MCC: variants seen among roughly 807,000 people sequenced by gnomAD.
MCC encodes MCC regulator of Wnt signaling pathway, also known as colorectal mutant cancer protein.
A neutral mutation model predicts 116.2 loss-of-function variants in MCC; 90 were observed. That is an observed-to-expected ratio of 0.77 (90% CI 0.65 to 0.92). The LOEUF is 0.92. MCC is among the 40% of genes least tolerant of loss of function. The pLI is 0.00. For missense variants in MCC, 1,516 were observed against 1,312.2 expected (o/e 1.16, Z -2.40); for synonymous variants, 578 against 510.5 (o/e 1.13, Z -1.78).
At chr5:113,175,185 A>G (rs1242625280) in intron 3 of MCC, among the ~76,000 whole-genome samples, 1 of 152,184 alleles carries the variant, frequency 6.6e-6, no homozygotes, top group Non-Finnish European at 1.5e-5. Flanking sequence ...ATTCTTGAAA[A>G]TAAATAGACA....
At chr5:113,307,616 A>G (rs562914182) in intron 3 of MCC, among the ~76,000 whole-genome samples, 72 of 152,256 alleles carry the variant, frequency 4.7e-4, no homozygotes, top group African/African-American at 1.7e-3. Flanking sequence ...TTCTTTTACA[A>G]TCTGGATGTT....
intron 12 of MCC, 44 bp from the exon 13 acceptor site, chr5:113,068,227 G>A (rs373321258): frequency 2.3e-4 from 333 of 1,479,430 alleles, no homozygotes; most frequent in Non-Finnish European, 2.8e-4. Flanking sequence ...AGAGAACAGC[G>A]GACACCTTCA....
At chr5:113,176,526 C>CG (rs1372784562) in intron 3 of MCC, among the ~76,000 whole-genome samples, 1 of 152,206 alleles carries the variant, frequency 6.6e-6, no homozygotes, top group Non-Finnish European at 1.5e-5. Context: ...CTAAGGGTGA[C>CG]GGCTCCCTTG....
chr5:113,297,202 G>A (rs1465268171), intron 3 of MCC, among the ~76,000 whole-genome samples: 1 of 152,156 alleles, frequency 6.6e-6, no homozygotes, highest in African/African-American at 2.4e-5. Context: ...AGGTTAAAAG[G>A]GCCTGAATTA....
chr5:113,460,737 T>A (rs1365883443), intron 1 of MCC, among the ~76,000 whole-genome samples: 1 of 152,210 alleles, frequency 6.6e-6, no homozygotes, highest in South Asian at 2.1e-4. Flanking sequence ...TCTGAGACAG[T>A]TGTAGCTTGT....
At chr5:113,358,907 C>T (rs904019000) in intron 2 of MCC, among the ~76,000 whole-genome samples, 4 of 152,156 alleles carry the variant, frequency 2.6e-5, no homozygotes, top group African/African-American at 7.2e-5. Flanking sequence ...CCCCTAGCAT[C>T]GTCCACTACA....
At chr5:113,310,538 C>A (rs528334169) in intron 3 of MCC, among the ~76,000 whole-genome samples, 115 of 152,304 alleles carry the variant, frequency 7.6e-4, no homozygotes, top group African/African-American at 2.6e-3. Flanking sequence ...AACCTTTGTC[C>A]AAACTAATGA....
intron 3 of MCC, among the ~76,000 whole-genome samples, chr5:113,318,348 G>A (rs1274224677): frequency 6.6e-6 from 1 of 152,120 alleles, no homozygotes; most frequent in Non-Finnish European, 1.5e-5. Flanking sequence ...AGCTAACCAA[G>A]GCAGTCTTTC....
At chr5:113,419,004 T>C (rs530581743) in intron 1 of MCC, among the ~76,000 whole-genome samples, 105 of 152,168 alleles carry the variant, frequency 6.9e-4, no homozygotes, top group Non-Finnish European at 1.3e-3. Flanking sequence ...CTAACAGAAA[T>C]GAATTCATTG....
At chr5:113,383,140 T>A (rs1769165391) in intron 2 of MCC, among the ~76,000 whole-genome samples, 1 of 152,218 alleles carries the variant, frequency 6.6e-6, no homozygotes, top group Non-Finnish European at 1.5e-5. Flanking sequence ...ATAAACAATT[T>A]TTTTTCACAA....
chr5:113,479,898 C>CA (rs1271439731), intron 1 of MCC, among the ~76,000 whole-genome samples: 12 of 152,128 alleles, frequency 7.9e-5, no homozygotes, highest in African/African-American at 2.9e-4. Context: ...GGCTCTCTTT[C>CA]AAAAATTGTG....
At chr5:113,120,218 C>G (rs1385218092) in intron 6 of MCC, among the ~76,000 whole-genome samples, 3 of 152,152 alleles carry the variant, frequency 2.0e-5, no homozygotes, top group Middle Eastern at 3.2e-3. Context: ...TTATGATGCC[C>G]TTATGAACTT....
chr5:113,464,754 T>A (rs1164183064), intron 1 of MCC, among the ~76,000 whole-genome samples: 5 of 149,056 alleles, frequency 3.4e-5, no homozygotes, highest in African/African-American at 9.9e-5. Context: ...AATATTTGAA[T>A]AAATTAAATA....
intron 16 of MCC, among the ~76,000 whole-genome samples, chr5:113,046,021 G>C (rs1232022835): frequency 6.6e-6 from 1 of 151,884 alleles, no homozygotes; most frequent in Non-Finnish European, 1.5e-5. Context: ...CAACAGCTAA[G>C]ACCAGATGAA....
At chr5:113,309,128 T>G (rs11948830) in intron 3 of MCC, among the ~76,000 whole-genome samples, 5,988 of 152,324 alleles carry the variant, frequency 0.039, 393 homozygotes, top group African/African-American at 0.14. Context: ...TAACAGAATT[T>G]GAATCAACAT....
At chr5:113,225,822 A>G (rs1005633748) in intron 3 of MCC, among the ~76,000 whole-genome samples, 6 of 152,208 alleles carry the variant, frequency 3.9e-5, no homozygotes, top group Non-Finnish European at 8.8e-5. Flanking sequence ...TCTTGACTTT[A>G]GCGATGAAAA....
chr5:113,128,628 C>T (rs1359040745), intron 5 of MCC, among the ~76,000 whole-genome samples: 1 of 152,102 alleles, frequency 6.6e-6, no homozygotes, highest in Admixed American at 6.5e-5. Context: ...AAATGCTCTC[C>T]TATGAATATA....
intron 1 of MCC, among the ~76,000 whole-genome samples, chr5:113,437,849 G>A (rs1429367993): frequency 2.6e-5 from 4 of 152,178 alleles, no homozygotes; most frequent in Non-Finnish European, 5.9e-5. Flanking sequence ...AGAGTGAATA[G>A]GTAAATATAT....
chr5:113,457,452 C>T lies in MCC; in HGVS notation c.170+30793G>A, dbSNP rs933718690. ...CCGCCTCCGTGGGCTCCTGTGCAGC[C>T]CGAGCCTCCCTGATGAGCACAGCCC... is the stretch of plus-strand genomic sequence containing the variant. On this transcript the variant is annotated intron_variant, in intron 1 of 18. Coordinates refer to ENST00000408903, the MANE Select transcript of MCC (RefSeq NM_001085377.2). 3.3e-5 allele frequency among the ~76,000 whole-genome samples: 5 copies of T among 152,226 alleles called. No homozygotes were observed. In the South Asian group the frequency reaches 6.2e-4, roughly 19 times the overall value.
Sources: gnomAD v4.1 joint callset for allele counts (sites outside exome capture counted in the v4.1 genomes callset) on GRCh38, gnomAD v4.1.1 for gene constraint, MANE v1.5 for transcripts, NCBI Gene and HGNC (gene_info 2026-07-23, HGNC 2026-07-21) for gene names.